Variants in CCDC178 observed in about 807,000 individuals in gnomAD.
CCDC178 encodes coiled-coil domain-containing protein 178.
Under a neutral mutation model 117.4 loss-of-function variants are expected in CCDC178, and 126 were observed. The ratio of observed to expected loss-of-function variants is 1.07; its 90% confidence interval spans 0.93 to 1.24. The LOEUF (loss-of-function observed/expected upper bound fraction) is 1.24, where lower values mean the gene tolerates loss of function less well. Ranked by LOEUF, CCDC178 falls within the 50% of genes most tolerant of loss-of-function variation. The probability of loss-of-function intolerance (pLI) is 0.00; values close to 1 mark genes in which losing one functional copy is unlikely to be tolerated. For synonymous variants in CCDC178, 283 were observed against 313.4 expected (o/e 0.90, Z 1.02); for missense variants, 1,030 against 986.9 (o/e 1.04, Z -0.59).
At chr18:33,083,286 C>A (rs2057325833) in intron 21 of CCDC178, among the ~76,000 whole-genome samples, 1 of 152,172 alleles carries the variant, frequency 6.6e-6, no homozygotes, top group South Asian at 2.1e-4. Flanking sequence ...CTGTTCTGCC[C>A]ATTTTATAAT....
chr18:33,192,917 A>G (rs2058878414), intron 20 of CCDC178, among the ~76,000 whole-genome samples: 1 of 148,304 alleles, frequency 6.7e-6, no homozygotes, highest in African/African-American at 2.5e-5. Context: ...AAAAAAAAAG[A>G]AAAAGAAGAA....
At chr18:33,365,489 T>A (rs935456679) in intron 6 of CCDC178, among the ~76,000 whole-genome samples, 1 of 152,100 alleles carries the variant, frequency 6.6e-6, no homozygotes, top group African/African-American at 2.4e-5. Flanking sequence ...ATTTTCCTCA[T>A]CTGCAACTGG....
intron 2 of CCDC178, among the ~76,000 whole-genome samples, chr18:33,417,402 G>A (rs2063958864): frequency 1.3e-5 from 2 of 152,148 alleles, no homozygotes; most frequent in Non-Finnish European, 2.9e-5. Flanking sequence ...CAGAGTGGGA[G>A]AACAGATTAG....
intron 5 of CCDC178, among the ~76,000 whole-genome samples, chr18:33,387,864 A>C (rs1028770006): frequency 1.3e-5 from 2 of 152,234 alleles, no homozygotes; most frequent in Non-Finnish European, 2.9e-5. Flanking sequence ...TACAAATGAG[A>C]TCTAATTAAA....
intron 2 of CCDC178, among the ~76,000 whole-genome samples, chr18:33,435,625 G>T (rs1210756550): frequency 6.6e-6 from 1 of 151,110 alleles, no homozygotes; most frequent in African/African-American, 2.4e-5. Flanking sequence ...AGAAGACCAT[G>T]ATTAGAGGCA....
rs1490234717 is a variant in CCDC178, at chr18:33,351,077, G to C, written c.372-2102C>G. Among the ~76,000 whole-genome samples the C allele has an allele frequency of 2.6e-5, 4 of 151,684 alleles. No homozygotes were observed. In the East Asian group the frequency reaches 7.8e-4, roughly 29 times the overall value. On this transcript the variant is annotated intron_variant, in intron 7 of 22. Coordinates refer to ENST00000383096, the MANE Select transcript of CCDC178 (RefSeq NM_001105528.4). ...CTAGTTTTACTAAAGGTGTGGGCTT[G>C]TGTCACATGTTAACTAATTTTCGTA...
intron 11 of CCDC178, among the ~76,000 whole-genome samples, chr18:33,317,566 C>A (rs140433703): frequency 6.6e-6 from 1 of 152,264 alleles, no homozygotes; most frequent in East Asian, 1.9e-4. Flanking sequence ...TGTGGACTCA[C>A]CTTGAATTCT....
chr18:32,969,294 T>A (rs1174992540), intron 22 of CCDC178, among the ~76,000 whole-genome samples: 1 of 151,962 alleles, frequency 6.6e-6, no homozygotes, highest in Non-Finnish European at 1.5e-5. Context: ...GGGGAGCACA[T>A]CCCTGAGGAG....
chr18:33,391,486 A>G (rs1427248075), intron 4 of CCDC178, among the ~76,000 whole-genome samples: 2 of 152,130 alleles, frequency 1.3e-5, no homozygotes, highest in Admixed American at 1.3e-4. Context: ...TTGCAAAAAG[A>G]TACAGATTAC....
chr18:32,984,381 CT>C (rs1299706662), intron 21 of CCDC178, among the ~76,000 whole-genome samples: 1 of 151,820 alleles, frequency 6.6e-6, no homozygotes, highest in African/African-American at 2.4e-5. Flanking sequence ...TCTTTGTATA[CT>C]TTATAATGAT....
In CCDC178 at chr18:33,220,806, A is replaced by T. The variant is rs77926781; in HGVS notation, c.1932+2300T>A. On this transcript the variant is annotated intron_variant, in intron 18 of 22. Coordinates refer to ENST00000383096, the MANE Select transcript of CCDC178 (RefSeq NM_001105528.4). ...GCTGAAGATAATACCCATGCTGGGA[A>T]AATGATTTTCTTTTCTGCTCTGAAT... is the stretch of plus-strand genomic sequence containing the variant. 4.7e-3 allele frequency among the ~76,000 whole-genome samples: 723 copies of T among 152,212 alleles called. 6 individuals are homozygous for T. Among genetic ancestry groups the T allele is most frequent in the African/African-American group, 0.017 (694 of 41,536 alleles).
chr18:32,941,712 T>C (rs1399164701), intron 22 of CCDC178, among the ~76,000 whole-genome samples: 2 of 152,132 alleles, frequency 1.3e-5, no homozygotes, highest in East Asian at 3.9e-4. Flanking sequence ...ATGGTAAAGG[T>C]ATGGAAGTTA....
At chr18:33,413,703 G>T (rs1253887585) in intron 2 of CCDC178, among the ~76,000 whole-genome samples, 1 of 152,118 alleles carries the variant, frequency 6.6e-6, no homozygotes, top group Non-Finnish European at 1.5e-5. Context: ...TTTCCCTGGG[G>T]ACAACATCTG....
chr18:33,223,361 T>C (rs2059262396), intron 17 of CCDC178, 142 bp from the exon 18 acceptor site: 2 of 942,162 alleles, frequency 2.1e-6, no homozygotes, highest in African/African-American at 3.4e-5. Flanking sequence ...ACACATAAAT[T>C]ACAGAAATAT....
At chr18:33,342,377 T>C (rs1043627617) in intron 9 of CCDC178, among the ~76,000 whole-genome samples, 3 of 152,216 alleles carry the variant, frequency 2.0e-5, no homozygotes. Flanking sequence ...ATAAGCAAGA[T>C]ATGATAGATA....
At chr18:33,093,962 T>G (rs1241118614) in intron 20 of CCDC178, among the ~76,000 whole-genome samples, 1 of 152,038 alleles carries the variant, frequency 6.6e-6, no homozygotes, top group African/African-American at 2.4e-5. Context: ...TTGTGAAAAT[T>G]GCCATCACAA....
intron 21 of CCDC178, among the ~76,000 whole-genome samples, chr18:33,040,265 A>G (rs970421166): frequency 1.3e-5 from 2 of 152,000 alleles, no homozygotes; most frequent in Non-Finnish European, 2.9e-5. Context: ...AAATATATAC[A>G]TATGCATATA....
intron 21 of CCDC178, among the ~76,000 whole-genome samples, chr18:33,084,579 G>A (rs926041076): frequency 2.6e-5 from 4 of 152,008 alleles, no homozygotes; most frequent in South Asian, 2.1e-4. Flanking sequence ...TTGAGGGGCC[G>A]AGGCAGGCAG....
At chr18:33,034,657 C>G (rs564042474) in intron 21 of CCDC178, among the ~76,000 whole-genome samples, 1 of 152,124 alleles carries the variant, frequency 6.6e-6, no homozygotes, top group African/African-American at 2.4e-5. Context: ...CCCCTCTGCT[C>G]TCATAGTGTC....
Sources: allele counts gnomAD v4.1 joint callset (sites outside exome capture counted in the v4.1 genomes callset), GRCh38; gene constraint gnomAD v4.1.1; transcripts MANE v1.5; gene names NCBI Gene and HGNC (gene_info 2026-07-23, HGNC 2026-07-21).